The following CA1 variants were observed in gnomAD, a reference collection of about 807,000 sequenced individuals.
CA1 encodes carbonate dehydratase I.
A neutral mutation model predicts 28.8 loss-of-function variants in CA1; 27 were observed. The ratio of observed to expected loss-of-function variants is 0.94; its 90% confidence interval spans 0.69 to 1.29. The LOEUF (loss-of-function observed/expected upper bound fraction) is 1.29. Among genes scored for constraint, CA1 ranks in the 50% most tolerant of loss-of-function variants. CA1 has a pLI of 0.00. For missense variants in CA1, 335 were observed against 310.5 expected, an observed-to-expected ratio of 1.08 and a Z score of -0.59; for synonymous variants, 121 against 108.8, an observed-to-expected ratio of 1.11 and a Z score of -0.70.
intron 4 of CA1, among the ~76,000 whole-genome samples, chr8:85,336,447 A>G (rs1414869502): frequency 6.6e-6 from 1 of 152,188 alleles, no homozygotes; most frequent in Non-Finnish European, 1.5e-5. Flanking sequence ...ATGTGAGAGC[A>G]GGTTAAGAGC....
At chr8:85,337,661 T>C (rs534532241) in intron 3 of CA1, among the ~76,000 whole-genome samples, 16 of 152,300 alleles carry the variant, frequency 1.1e-4, no homozygotes, top group African/African-American at 3.8e-4. Flanking sequence ...AATCTAATAT[T>C]AATAATGGAC....
chr8:85,355,955 A>G (rs1292397712), intron 1 of CA1, among the ~76,000 whole-genome samples: 1 of 151,974 alleles, frequency 6.6e-6, no homozygotes, highest in Admixed American at 6.6e-5. Flanking sequence ...CATAATTCCC[A>G]TGACAACGTG....
At chr8:85,369,645 A>G (rs1356998268) in intron 1 of CA1, among the ~76,000 whole-genome samples, 1 of 152,114 alleles carries the variant, frequency 6.6e-6, no homozygotes, top group Non-Finnish European at 1.5e-5. Context: ...TAGCTAGTCC[A>G]TCTTTGGTTG....
At chr8:85,375,393 G>A (rs1810372486) in intron 1 of CA1, among the ~76,000 whole-genome samples, 1 of 152,050 alleles carries the variant, frequency 6.6e-6, no homozygotes, top group South Asian at 2.1e-4. Context: ...TATGTATTTT[G>A]TTACCACTTT....
chr8:85,372,649 C>T (rs935013402), intron 1 of CA1, among the ~76,000 whole-genome samples: 1 of 152,306 alleles, frequency 6.6e-6, no homozygotes, highest in East Asian at 1.9e-4. Context: ...CAAAGCTTTG[C>T]TTTCCTCTGT....
At chr8:85,352,635 G>T (rs1457842012) in intron 1 of CA1, among the ~76,000 whole-genome samples, 4 of 150,164 alleles carry the variant, frequency 2.7e-5, no homozygotes, top group Admixed American at 2.7e-4. Context: ...GCTCTGCCCA[G>T]CCCCTTCCTG....
chr8:85,343,171 T>A (rs1808996598), intron 1 of CA1: 1 of 152,080 alleles, frequency 6.6e-6, no homozygotes, highest in South Asian at 2.1e-4. Context: ...GGTGGGAGGA[T>A]CTCTTGCACC....
chr8:85,358,183 G>A (rs1809668493), intron 1 of CA1, among the ~76,000 whole-genome samples: 1 of 152,150 alleles, frequency 6.6e-6, no homozygotes, highest in Non-Finnish European at 1.5e-5. Context: ...GGCAAGAGGA[G>A]ACAGGACAGC....
intron 1 of CA1, among the ~76,000 whole-genome samples, chr8:85,371,380 T>C (rs1053040965): frequency 1.3e-5 from 2 of 151,764 alleles, no homozygotes; most frequent in African/African-American, 4.9e-5. Flanking sequence ...AAGTTAGGTT[T>C]GTTTCCTTTG....
intron 1 of CA1, among the ~76,000 whole-genome samples, chr8:85,376,779 C>G (rs1483444591): frequency 6.6e-6 from 1 of 152,116 alleles, no homozygotes; most frequent in African/African-American, 2.4e-5. Context: ...TCTGTTACCT[C>G]AAGGAGATGC....
At chr8:85,332,884 A>G (rs1808469397) in intron 5 of CA1, among the ~76,000 whole-genome samples, 1 of 152,180 alleles carries the variant, frequency 6.6e-6, no homozygotes, top group Admixed American at 6.6e-5. Context: ...CTGTTATATT[A>G]GTTTTCATTA....
At chr8:85,335,363 G>A (rs529637694) in intron 4 of CA1, among the ~76,000 whole-genome samples, 12 of 152,152 alleles carry the variant, frequency 7.9e-5, no homozygotes, top group African/African-American at 2.9e-4. Flanking sequence ...GCTCTGTATG[G>A]GTTAACTCTT....
rs1432020730 is a variant in CA1, at chr8:85,332,520, T to C, written c.483A>G (p.Val161=). The change falls in exon 6 of 8, where the codon GTA becomes GTG. Residue 161 remains valine, a synonymous_variant. Coordinates refer to ENST00000523022, the MANE Select transcript of CA1 (RefSeq NM_001128831.4). ...VGEANPKLQK[V]LDALQAIKTK... is the part of the protein sequence containing the mutation. ...TTTTAATTGCTTGGAGGGCATCAAG[T>C]ACTTTCTGCAGCTTTGGGTTGGCCT... 6.2e-7 allele frequency: 1 copy of C among 1,613,240 alleles called. No homozygotes were observed. The highest frequency in any genetic ancestry group is 8.5e-7 in the Non-Finnish European group (1 of 1,179,378).
intron 1 of CA1, among the ~76,000 whole-genome samples, chr8:85,354,834 C>T (rs563064002): frequency 1.3e-5 from 2 of 152,278 alleles, no homozygotes; most frequent in African/African-American, 4.8e-5. Context: ...CATGTATGAA[C>T]CTGTCTTTTC....
chr8:85,364,116 C>A (rs1410149323), intron 1 of CA1, among the ~76,000 whole-genome samples: 2 of 152,136 alleles, frequency 1.3e-5, no homozygotes, highest in Non-Finnish European at 2.9e-5. Context: ...GCTGGAGTTA[C>A]AGGCGTGAGC....
chr8:85,374,051 C>G (rs1434304017), intron 1 of CA1, among the ~76,000 whole-genome samples: 1 of 151,944 alleles, frequency 6.6e-6, no homozygotes, highest in Non-Finnish European at 1.5e-5. Context: ...TGCCACAGAC[C>G]TGTATACCTT....
At chr8:85,366,462 A>C (rs770264117) in intron 1 of CA1, among the ~76,000 whole-genome samples, 6 of 152,210 alleles carry the variant, frequency 3.9e-5, no homozygotes, top group Admixed American at 2.0e-4. Flanking sequence ...AAAAACATAG[A>C]TCAAAACAAT....
intron 1 of CA1, among the ~76,000 whole-genome samples, chr8:85,359,498 A>G (rs1809717220): frequency 6.6e-6 from 1 of 152,186 alleles, no homozygotes; most frequent in Non-Finnish European, 1.5e-5. Context: ...CGAATGAAAA[A>G]TAAGATTCAA....
chr8:85,344,240 ATAATT>A (rs1809064123), intron 1 of CA1, among the ~76,000 whole-genome samples: 1 of 96,750 alleles, frequency 1.0e-5, no homozygotes, highest in Non-Finnish European at 1.8e-5. Flanking sequence ...TATATAATAT[ATAATT>A]ATATATTATA....
Sources: allele counts gnomAD v4.1 joint callset (sites outside exome capture counted in the v4.1 genomes callset), GRCh38; gene constraint gnomAD v4.1.1; transcripts MANE v1.5; gene names NCBI Gene and HGNC (gene_info 2026-07-23, HGNC 2026-07-21).